Variants in EVC2 observed in about 807,000 individuals in gnomAD.
EVC2 encodes the protein EvC ciliary complex subunit 2, also known as limbin.
A neutral mutation model predicts 149.3 loss-of-function variants in EVC2; 148 were observed. The observed-to-expected ratio is 0.99, with a 90% CI of 0.87 to 1.14. The LOEUF is 1.14. EVC2 is among the 50% of genes most tolerant of loss of function. The pLI is 0.00. For missense variants in EVC2, 1,854 were observed against 1,627.3 expected (o/e 1.14, Z -2.40); for synonymous variants, 776 against 649.9 (o/e 1.19, Z -2.95).
At chr4:5,588,666 GTA>G (rs777230486) in intron 16 of EVC2, among the ~76,000 whole-genome samples, 25 of 152,054 alleles carry the variant, frequency 1.6e-4, no homozygotes, top group African/African-American at 3.9e-4. Context: ...ACACACATGT[GTA>G]TGTGTGTGTG....
chr4:5,692,764 G>A (rs534329024), intron 3 of EVC2, among the ~76,000 whole-genome samples: 6 of 150,636 alleles, frequency 4.0e-5, no homozygotes, highest in Admixed American at 1.3e-4. Context: ...CTACTCGGGA[G>A]GCTGAGGCAG....
At chr4:5,608,804 A>G (rs1344933551) in intron 16 of EVC2, among the ~76,000 whole-genome samples, 3 of 152,112 alleles carry the variant, frequency 2.0e-5, no homozygotes, top group Non-Finnish European at 4.4e-5. Flanking sequence ...AAGTGCTGGG[A>G]TTACAGGCAT....
chr4:5,685,237 A>G (rs1041434998), intron 6 of EVC2, 133 bp downstream of exon 6: 2 of 882,082 alleles, frequency 2.3e-6, no homozygotes, highest in South Asian at 1.4e-5. Context: ...TCCAGGGCCT[A>G]TGCCCTTATC....
chr4:5,579,766 A>C (rs1335125786), intron 17 of EVC2, among the ~76,000 whole-genome samples: 4 of 152,186 alleles, frequency 2.6e-5, no homozygotes, highest in African/African-American at 9.7e-5. Context: ...AATTGAACCC[A>C]GGAGGTGGAG....
Position 5,576,421 on chromosome 4 carries a change from G to A in EVC2, c.3091C>T (p.Gln1031Ter), listed in dbSNP as rs370438593. 3 of 1,610,066 alleles carry A rather than the reference G, an allele frequency of 1.9e-6. No homozygotes were observed. Among genetic ancestry groups the A allele is most frequent in the Non-Finnish European group, 2.5e-6 (3 of 1,178,160 alleles). Reference protein sequence around the residue: ...LQELERKLEDQLVQQEAAQQQ... With the variant: ...LQELERKLED ...TGGGCTGCCTCCTGCTGCACCAGCTGGTCCTCCAGCTTCCTCTCCAACTCC... is the reference window on the plus strand; with the variant it reads ...TGGGCTGCCTCCTGCTGCACCAGCTAGTCCTCCAGCTTCCTCTCCAACTCC... Residue 1031 changes from glutamine to a stop codon, truncating the protein, a stop_gained, in exon 18 of 22, where the codon CAG (glutamine) becomes TAG (stop). Transcript: ENST00000344408. LOFTEE classifies it high-confidence loss of function. The surrounding 1 kb of genome is among the most constrained non-coding windows in gnomAD (Gnocchi z 4.5).
chr4:5,692,889 A>G lies in EVC2; in HGVS notation c.450+1446T>C, dbSNP rs1274750257. Among the ~76,000 whole-genome samples the G allele has an allele frequency of 3.7e-5, 5 of 134,436 alleles. No homozygotes were observed. The South Asian group carries it at 6.9e-4, about 18-fold the overall frequency. The allele number at this position is 134,436 out of a possible 152,430, so 88.2% of individuals were successfully genotyped here. On this transcript the variant is annotated intron_variant, in intron 3 of 21. Coordinates refer to ENST00000344408, the MANE Select transcript of EVC2 (RefSeq NM_147127.5). ...ACTCCGTCTCAAAAAAAAAAAAAAA[A>G]AGAAAAAAGAAAATTAACAAAAATG...
intron 8 of EVC2, among the ~76,000 whole-genome samples, chr4:5,664,590 T>C (rs983677195): frequency 6.6e-6 from 1 of 152,150 alleles, no homozygotes; most frequent in African/African-American, 2.4e-5. Context: ...AAGGAGACTG[T>C]GGGCTGACCT....
Position 5,686,127 on chromosome 4 carries a change from C to CACACAT in EVC2, c.707-649_707-648insATGTGT, listed in dbSNP as rs71171411. Among the ~76,000 whole-genome samples the CACACAT allele has an allele frequency of 6.0e-4, 90 of 149,658 alleles. No individual in the cohort carries two copies. Among genetic ancestry groups the CACACAT allele is most frequent in the African/African-American group, 2.1e-3 (85 of 40,224 alleles). On this transcript the variant is annotated intron_variant, in intron 5 of 21. Transcript: ENST00000344408. This position sits in a 1 kb window ranked among gnomAD's most constrained non-coding sequence, Gnocchi z 5.4. The stretch of plus-strand genomic sequence containing the variant: ...ACACACACACACACACACACACACA[C>CACACAT]AGAGTAAAGAAAAGAGGAGGAACGC...
At chr4:5,552,671 T>C (rs1721763137) in intron 21 of EVC2, among the ~76,000 whole-genome samples, 1 of 152,152 alleles carries the variant, frequency 6.6e-6, no homozygotes. Context: ...TGCCTTTGAT[T>C]GGTGCCTGGA....
chr4:5,556,860 A>C lies in EVC2; in HGVS notation c.3419+8398T>G, dbSNP rs569007006. Among the ~76,000 whole-genome samples, 204 of 152,286 alleles carry C rather than the reference A, an allele frequency of 1.3e-3. No homozygotes were observed. The Middle Eastern group carries it at 0.014, about 10-fold the overall frequency. ...AAATGAATGAATCCCTTGAAAGACAAACTACAAAAATTCACACAACGTGAA... is the reference window on the plus strand; with the variant it reads ...AAATGAATGAATCCCTTGAAAGACACACTACAAAAATTCACACAACGTGAA... On this transcript the variant is annotated intron_variant and NMD_transcript_variant, in intron 21 of 22. Transcript: ENST00000475313.
rs1325486117 is a variant in EVC2 at position 5,677,392 on chromosome 4, AGGG to A, written c.870+3865_870+3867del. 6.6e-6 allele frequency among the ~76,000 whole-genome samples: 1 copy of A among 152,140 alleles called. No homozygotes were observed. Among genetic ancestry groups the A allele is most frequent in the Non-Finnish European group, 1.5e-5 (1 of 68,026 alleles). ...CATACACCTCCTCTTCCCACTCAAC[AGGG>A]AGCTCCCTGAATGTGGTCCACAGCC... On this transcript the variant is annotated intron_variant, in intron 7 of 21. Coordinates refer to ENST00000344408, the MANE Select transcript of EVC2 (RefSeq NM_147127.5). The surrounding 1 kb of genome is among the most constrained non-coding windows in gnomAD (Gnocchi z 4.3).
Position 5,654,772 on chromosome 4 carries a change from T to A in EVC2, c.1145+8335A>T, listed in dbSNP as rs115376844. Among the ~76,000 whole-genome samples, 1,245 of 152,290 alleles carry A rather than the reference T, an allele frequency of 8.2e-3. 10 individuals are homozygous for A. The highest frequency in any genetic ancestry group is 0.031 in the Middle Eastern group (9 of 294). ...AGGCCGCTGAAGGAGACCACTCTGT[T>A]GTTGAGTCAGGCCCCTATGGCCATA... On this transcript the variant is annotated intron_variant, in intron 9 of 21. Transcript: ENST00000344408.
intron 16 of EVC2, among the ~76,000 whole-genome samples, chr4:5,586,495 G>A (rs1054793986): frequency 6.6e-6 from 1 of 152,150 alleles, no homozygotes; most frequent in Non-Finnish European, 1.5e-5. Flanking sequence ...ATGAAGGGAA[G>A]GGGGAGCTGA....
intron 7 of EVC2, among the ~76,000 whole-genome samples, chr4:5,667,457 T>C (rs1243442672): frequency 6.6e-6 from 1 of 152,158 alleles, no homozygotes; most frequent in Non-Finnish European, 1.5e-5. Flanking sequence ...TCAACCCAAA[T>C]CACAATTCAA....
chr4:5,575,248 G>A (rs917446907), intron 18 of EVC2, among the ~76,000 whole-genome samples: 3 of 152,204 alleles, frequency 2.0e-5, no homozygotes, highest in African/African-American at 7.2e-5. Context: ...ATGCAAGTCA[G>A]CTTTGTGGAT....
At chr4:5,586,966 T>C (rs893241547) in intron 16 of EVC2, among the ~76,000 whole-genome samples, 3 of 152,232 alleles carry the variant, frequency 2.0e-5, no homozygotes, top group African/African-American at 7.2e-5. Flanking sequence ...CAGATACTTT[T>C]GGCTTACACA....
At position 5,665,541 on chromosome 4, in the gene EVC2, T is replaced by G. The variant is rs1214689391; in HGVS notation, c.979A>C (p.Lys327Gln). The change falls in exon 8 of 22, where the codon AAG (lysine) becomes CAG (glutamine). Residue 327 changes from lysine to glutamine, a missense_variant. Coordinates refer to ENST00000344408, the MANE Select transcript of EVC2 (RefSeq NM_147127.5). The stretch of plus-strand genomic sequence containing the variant: ...CGATGTCTGGTGAGCATGTTTCCCT[T>G]CAGACACTGATAGCGAACCATGAGG... ...LFLMVRYQCL[K>Q]GNMLTRHRVW... 6.2e-7 allele frequency: 1 copy of G among 1,614,068 alleles called. No individual in the cohort carries two copies. The highest frequency in any genetic ancestry group is 1.3e-5 in the African/African-American group (1 of 75,022).
At chr4:5,535,046 C>T in the EVC2 span, among the ~76,000 whole-genome samples, 12 of 152,130 alleles carry the variant, frequency 7.9e-5, no homozygotes, top group African/African-American at 2.9e-4. This position sits in a 1 kb window ranked among gnomAD's most constrained non-coding sequence, Gnocchi z 4.7. Flanking sequence ...GGCAGAGGTT[C>T]CCTCAATACC....
chr4:5,598,632 G>C (rs1713677063), intron 16 of EVC2, among the ~76,000 whole-genome samples: 1 of 152,076 alleles, frequency 6.6e-6, no homozygotes, highest in Non-Finnish European at 1.5e-5. Flanking sequence ...GAAAACCTAG[G>C]CATTACCATT....
Sources: gnomAD v4.1 joint callset for allele counts (sites outside exome capture counted in the v4.1 genomes callset) on GRCh38, gnomAD v4.1.1 for gene constraint, Gnocchi (gnomAD v3.1) non-coding constraint, MANE v1.5 for transcripts, NCBI Gene and HGNC (gene_info 2026-07-23, HGNC 2026-07-21) for gene names.